The following DRC3 variants were observed in gnomAD, a reference collection of about 807,000 sequenced individuals.
The protein encoded by DRC3 is leucine rich repeat containing 48.
A neutral mutation model predicts 57.6 loss-of-function variants in DRC3; 45 were observed. That is an observed-to-expected ratio of 0.78 (90% CI 0.62 to 1.00). The LOEUF is 1.00. Among genes scored for constraint, DRC3 ranks in the 50% least tolerant of loss-of-function variants. The pLI is 0.00. For missense variants in DRC3, 655 were observed against 675.2 expected (o/e 0.97, Z 0.33); for synonymous variants, 257 against 272.3 (o/e 0.94, Z 0.55).
chr17:17,992,929 A>T lies in DRC3; in HGVS notation c.591+18A>T. ...ACCACACAGCAAGTGTCTCCCTCTC[A>T]GTCTCCCAGCCCTGTGAGACAGATT... On this transcript the variant is annotated intron_variant, in intron 6 of 13. Transcript: ENST00000399187. 1 of 1,613,660 alleles carries T rather than the reference A, an allele frequency of 6.2e-7. No homozygotes were observed. Among genetic ancestry groups the T allele is most frequent in the Non-Finnish European group, 8.5e-7 (1 of 1,179,694 alleles).
rs1051350403 is a variant in DRC3, at chr17:18,008,928, C to T, written c.1326+1781C>T. ...AGAAAAAGATGAATCCAGAGGCCAA[C>T]AGCAGAGAAGCAGGCTGGGCTGGCA... On this transcript the variant is annotated intron_variant, in intron 12 of 13. Coordinates refer to ENST00000399187, the MANE Select transcript of DRC3 (RefSeq NM_031294.4). This position sits in a 1 kb window ranked among gnomAD's most constrained non-coding sequence, Gnocchi z 4.3. Among the ~76,000 whole-genome samples the T allele has an allele frequency of 1.3e-5, 2 of 152,184 alleles. No individual in the cohort carries two copies. Among genetic ancestry groups the T allele is most frequent in the Non-Finnish European group, 2.9e-5 (2 of 68,028 alleles).
At chr17:17,978,434 C>T (rs766943607) in intron 3 of DRC3, among the ~76,000 whole-genome samples, 16 of 152,162 alleles carry the variant, frequency 1.1e-4, no homozygotes, top group Non-Finnish European at 2.2e-4. Context: ...AGAGGCAGTA[C>T]GAGGGCAGTG....
At chr17:17,997,303 C>T (rs2043499557) in intron 8 of DRC3, 157 bp from the exon 9 acceptor site, 1 of 662,288 alleles carries the variant, frequency 1.5e-6, no homozygotes, top group Non-Finnish European at 2.5e-6. Context: ...CCTTTGATTT[C>T]TTCATCCACC....
chr17:18,011,243 C>A, intron 12 of DRC3: 1 of 258,952 alleles, frequency 3.9e-6, no homozygotes, highest in Non-Finnish European at 7.5e-6. Context: ...AGGCGTGAGC[C>A]GCCACGCCAG....
At chr17:17,988,867 T>C (rs1015352428) in intron 5 of DRC3, among the ~76,000 whole-genome samples, 1 of 152,122 alleles carries the variant, frequency 6.6e-6, no homozygotes, top group African/African-American at 2.4e-5. Context: ...GGAGGCACTG[T>C]AGTCTCGGAA....
intron 5 of DRC3, among the ~76,000 whole-genome samples, chr17:17,989,946 G>C (rs2043148863): frequency 6.6e-6 from 1 of 152,230 alleles, no homozygotes; most frequent in South Asian, 2.1e-4. Context: ...AGGGCATTTA[G>C]TGGCGTGATA....
intron 10 of DRC3, 34 bp from the exon 11 acceptor site, chr17:18,006,149 T>C (rs761129371): frequency 1.2e-5 from 18 of 1,513,024 alleles, no homozygotes; most frequent in Middle Eastern, 1.7e-4. Flanking sequence ...GACATCTAAA[T>C]ATGCATGTTA....
chr17:17,979,713 G>T (rs748827660), intron 3 of DRC3, among the ~76,000 whole-genome samples: 1 of 152,214 alleles, frequency 6.6e-6, no homozygotes, highest in African/African-American at 2.4e-5. Context: ...GCTACTGCTG[G>T]GGGGCTGTCA....
At chr17:18,000,005 CCTGTT>C (rs1174285064) in intron 9 of DRC3, among the ~76,000 whole-genome samples, 1 of 150,462 alleles carries the variant, frequency 6.6e-6, no homozygotes, top group Non-Finnish European at 1.5e-5. Flanking sequence ...CATAGCATGC[CCTGTT>C]CTGTACTTTG....
At chr17:18,006,068 C>G in intron 10 of DRC3, 115 bp from the exon 11 acceptor site, 1 of 736,272 alleles carries the variant, frequency 1.4e-6, no homozygotes, top group Middle Eastern at 2.3e-4. Context: ...GATGGGTGGT[C>G]TTTATGCTGA....
chr17:17,987,879 A>C (rs2043034950), intron 4 of DRC3, 53 bp from the exon 5 acceptor site: 2 of 1,584,862 alleles, frequency 1.3e-6, no homozygotes, highest in African/African-American at 2.7e-5. Context: ...ATTTCAGGAC[A>C]GCCCATCCCC....
rs1264983762 is a variant in DRC3, at chr17:17,979,048, G to A, written c.160+1290G>A. ...GAAGGAGAGGAGAAAAGGGAAGTTG[G>A]GGGTGGAGTACAGTGTTTTATAGAG... On this transcript the variant is annotated intron_variant, in intron 3 of 13. Coordinates refer to ENST00000399187, the MANE Select transcript of DRC3 (RefSeq NM_031294.4). 3.3e-5 allele frequency among the ~76,000 whole-genome samples: 5 copies of A among 152,356 alleles called. No homozygotes were observed. In the East Asian group the frequency reaches 9.6e-4, roughly 29 times the overall value.
Position 17,977,617 on chromosome 17 carries a change from T to C in DRC3, c.19T>C (p.Ser7Pro), listed in dbSNP as rs765832435. The C allele has an allele frequency of 1.7e-5, 28 of 1,613,906 alleles. No individual in the cohort carries two copies. The highest frequency in any genetic ancestry group is 2.3e-5 in the Non-Finnish European group (27 of 1,179,868). MNQPCN[S>P]MEPRVMDDDM... is the part of the protein sequence containing the mutation. Reference sequence around the variant, plus strand: ...GGGGAAGATGAACCAGCCGTGCAACTCGATGGAGCCGAGGGTGATGGACGA... The same window carrying C: ...GGGGAAGATGAACCAGCCGTGCAACCCGATGGAGCCGAGGGTGATGGACGA... Residue 7 changes from serine (S) to proline (P), a missense_variant, in exon 3 of 14, where the codon TCG (serine) becomes CCG (proline). Transcript: ENST00000399187.
chr17:18,003,014 C>T (rs776022977), intron 9 of DRC3, among the ~76,000 whole-genome samples: 26 of 152,054 alleles, frequency 1.7e-4, no homozygotes, highest in Non-Finnish European at 3.2e-4. Flanking sequence ...CCGTTAGGGC[C>T]GAAAGCTTAT....
chr17:18,013,835 C>A (rs907639206), intron 12 of DRC3, among the ~76,000 whole-genome samples: 10 of 152,024 alleles, frequency 6.6e-5, no homozygotes, highest in African/African-American at 2.4e-4. Context: ...GACGGATATG[C>A]TAATACCCTG....
intron 12 of DRC3, among the ~76,000 whole-genome samples, chr17:18,010,112 G>A (rs1358568196): frequency 6.6e-6 from 1 of 152,232 alleles, no homozygotes; most frequent in Non-Finnish European, 1.5e-5. Flanking sequence ...CTGCTCAAGT[G>A]GCAGTGGGTC....
Position 18,006,962 on chromosome 17 carries a change from G to A in DRC3, c.1203-62G>A, listed in dbSNP as rs532644175. 1.0e-3 allele frequency: 1,647 copies of A among 1,604,736 alleles called. 14 individuals carry two copies. The African/African-American group carries it at 0.019, about 19-fold the overall frequency. On this transcript the variant is annotated intron_variant, in intron 11 of 13. Transcript: ENST00000399187. ...CCTTAAAGTCTGTCTCCCGCCGTCTGAGAGCATCAGGGACGCGCCGGGCCT... is the reference window on the plus strand; with the variant it reads ...CCTTAAAGTCTGTCTCCCGCCGTCTAAGAGCATCAGGGACGCGCCGGGCCT...
At chr17:17,994,157 G>T (rs2043352182) in intron 6 of DRC3, 142 bp from the exon 7 acceptor site, 2 of 1,119,004 alleles carry the variant, frequency 1.8e-6, no homozygotes, top group Admixed American at 2.7e-5. Flanking sequence ...GAGACCTCAT[G>T]GCTTTCACAG....
At chr17:18,006,955 G>A (rs1034113589) in intron 11 of DRC3, 69 bp from the exon 12 acceptor site, 20 of 1,596,016 alleles carry the variant, frequency 1.3e-5, no homozygotes, top group Middle Eastern at 1.7e-4. Context: ...TCTGTCTCCC[G>A]CCGTCTGAGA....
Sources: gnomAD v4.1 joint callset for allele counts (sites outside exome capture counted in the v4.1 genomes callset) on GRCh38, gnomAD v4.1.1 for gene constraint, Gnocchi (gnomAD v3.1) non-coding constraint, MANE v1.5 for transcripts, NCBI Gene and HGNC (gene_info 2026-07-23, HGNC 2026-07-21) for gene names.